Variants in GLG1 observed in about 807,000 individuals in gnomAD.
GLG1 encodes the protein Golgi apparatus protein 1.
GLG1 carries 38 observed loss-of-function variants against 160.5 expected under a neutral mutation model. The ratio of observed to expected loss-of-function variants is 0.24; its 90% CI spans 0.18 to 0.31. GLG1 has a LOEUF of 0.31. Among genes scored for constraint, GLG1 ranks in the 10% least tolerant of loss-of-function variants. The pLI is 1.00. For missense variants in GLG1, 1,373 were observed against 1,505.2 expected (o/e 0.91, Z 1.45); for synonymous variants, 644 against 543.4 (o/e 1.19, Z -2.57).
chr16:74,480,512 G>A lies in GLG1; in HGVS notation c.1674-118C>T, dbSNP rs77860974. The A allele has an allele frequency of 3.8e-3, 2,397 of 635,600 alleles. 16 individuals carry two copies. The highest frequency in any genetic ancestry group is 3.9e-3 in the Non-Finnish European group (1,463 of 373,206). 39.4% of individuals were successfully genotyped at this position (635,600 alleles called of 1,614,324 possible). A position where few individuals can be genotyped will look rare whatever the true frequency, so the allele number is the denominator to read the frequency against. ...CTCATTGATAATCACTTCCAGGGGC[G>A]TGGAGACAGAAGATATGTAAAAGTA... On this transcript the variant is annotated intron_variant, in intron 10 of 25. Coordinates refer to ENST00000422840, the MANE Select transcript of GLG1 (RefSeq NM_001145667.2).
Position 74,462,622 on chromosome 16 carries a change from A to G in GLG1, c.2800T>C (p.Leu934=). The G allele has an allele frequency of 6.2e-7, 1 of 1,614,094 alleles. No homozygotes were observed. The stretch of plus-strand genomic sequence containing the variant: ...CAGGCTTTTCTTAACATGGGGTTTA[A>G]GCGGTAATCTAGAGTAGAAAGCAGT... ...RQITQNTDYR[L]NPMLRKACKA... Residue 934 remains leucine (L), a synonymous_variant, in exon 21 of 26, where the codon TTA becomes CTA. Coordinates refer to ENST00000422840, the MANE Select transcript of GLG1 (RefSeq NM_001145667.2).
chr16:74,599,937 G>A (rs991111043), intron 1 of GLG1, among the ~76,000 whole-genome samples: 1 of 151,810 alleles, frequency 6.6e-6, no homozygotes, highest in African/African-American at 2.4e-5. Context: ...GAGAGGTGGA[G>A]CCAGGAGAAT....
At chr16:74,530,324 G>A (rs531036607) in intron 2 of GLG1, among the ~76,000 whole-genome samples, 9 of 152,286 alleles carry the variant, frequency 5.9e-5, no homozygotes, top group African/African-American at 2.2e-4. Flanking sequence ...ATTTTAGGTT[G>A]ACTGTTTTAT....
chr16:74,557,766 G>C (rs1422846938), intron 1 of GLG1, among the ~76,000 whole-genome samples: 1 of 148,400 alleles, frequency 6.7e-6, no homozygotes, highest in African/African-American at 2.5e-5. Flanking sequence ...TTTTTTTTTT[G>C]GTAGGGTTGG....
intron 24 of GLG1, among the ~76,000 whole-genome samples, 199 bp from the exon 25 acceptor site, chr16:74,456,954 A>C (rs1567453537): frequency 1.3e-5 from 2 of 152,222 alleles, no homozygotes; most frequent in Admixed American, 6.5e-5. Flanking sequence ...TTGGCGTCCG[A>C]AGCCTCTCTT....
rs956091215 is a variant in GLG1, at chr16:74,453,078, G to A, written c.*89C>T. ...CTAACACGGGGTTGGTGTCACTTCT[G>A]AGAAGAGCGAGGTGAGTGGGGATGC... On this transcript the variant is annotated 3_prime_UTR_variant, in exon 26 of 26. Transcript: ENST00000422840. 1 of 1,544,144 alleles carries A rather than the reference G, an allele frequency of 6.5e-7. No individual in the cohort carries two copies. Among genetic ancestry groups the A allele is most frequent in the Non-Finnish European group, 8.7e-7 (1 of 1,145,780 alleles).
chr16:74,511,253 G>C (rs181513933), intron 2 of GLG1, among the ~76,000 whole-genome samples: 68 of 152,232 alleles, frequency 4.5e-4, no homozygotes, highest in Admixed American at 8.5e-4. Flanking sequence ...TATGAGTGCT[G>C]AGGAAGATCT....
intron 1 of GLG1, among the ~76,000 whole-genome samples, chr16:74,533,959 C>T (rs922397455): frequency 1.3e-5 from 2 of 152,140 alleles, no homozygotes; most frequent in African/African-American, 2.4e-5. Context: ...AAATAGAACA[C>T]ATCAAGTAGC....
chr16:74,494,634 T>G, intron 6 of GLG1, 126 bp downstream of exon 6: 1 of 484,346 alleles, frequency 2.1e-6, no homozygotes, highest in Non-Finnish European at 3.9e-6. Flanking sequence ...CTTGAACTCC[T>G]GACCTCGTGA....
At position 74,606,699 on chromosome 16, in the gene GLG1, G is replaced by C. The variant is rs1048747326; in HGVS notation, c.396C>G (p.Ser132Arg). Residue 132 changes from serine to arginine, a missense_variant, in exon 1 of 26, where the codon AGC becomes AGG. Ser to Arg is a moderately radical substitution (Grantham distance 110). Transcript: ENST00000422840. ...VTRVCPKHTW[S>R]NNLAVLECLQ... ...GGCACTCGAGCACCGCCAGGTTGTT[G>C]CTCCAGGTGTGCTTAGGGCACACGC... is the stretch of plus-strand genomic sequence containing the variant. 1.2e-6 allele frequency: 2 copies of C among 1,603,522 alleles called. No homozygotes were observed. Among genetic ancestry groups the C allele is most frequent in the Admixed American group, 3.4e-5 (2 of 58,942 alleles).
intron 1 of GLG1, among the ~76,000 whole-genome samples, chr16:74,580,146 A>C (rs1280890622): frequency 6.6e-6 from 1 of 152,010 alleles, no homozygotes; most frequent in Non-Finnish European, 1.5e-5. Flanking sequence ...CACAGGCCTA[A>C]ATCCTAAAGG....
intron 1 of GLG1, among the ~76,000 whole-genome samples, chr16:74,559,958 A>G (rs990239418): frequency 6.6e-6 from 1 of 152,214 alleles, no homozygotes; most frequent in Non-Finnish European, 1.5e-5. Context: ...ATTTTCCCCT[A>G]TTGTTAATAG....
At chr16:74,595,032 C>CA (rs1958267171) in intron 1 of GLG1, among the ~76,000 whole-genome samples, 1 of 151,308 alleles carries the variant, frequency 6.6e-6, no homozygotes, top group Non-Finnish European at 1.5e-5. Context: ...ACTAAAAATA[C>CA]AAAAAATTAG....
intron 2 of GLG1, among the ~76,000 whole-genome samples, chr16:74,522,679 T>C (rs950110948): frequency 6.6e-6 from 1 of 152,192 alleles, no homozygotes; most frequent in Non-Finnish European, 1.5e-5. Flanking sequence ...CTTAATATTG[T>C]ATGCTTGTTT....
At position 74,483,061 on chromosome 16, in the gene GLG1, A is replaced by G. The variant is rs770428443; in HGVS notation, c.1635T>C (p.Arg545=). ...TEKMVEDCEH[R]LLELQYFISR... is the part of the protein sequence containing the mutation. ...AGATGAAATACTGCAGCTCTAAGAG[A>G]CGGTGTTCACAGTCTTCTACCATCT... Residue 545 remains arginine (R), a synonymous_variant, in exon 10 of 26, where the codon CGT becomes CGC. Coordinates refer to ENST00000422840, the MANE Select transcript of GLG1 (RefSeq NM_001145667.2). The G allele has an allele frequency of 2.5e-6, 4 of 1,609,662 alleles. No homozygotes were observed. The highest frequency in any genetic ancestry group is 3.4e-6 in the Non-Finnish European group (4 of 1,176,128).
At chr16:74,574,736 T>C (rs1792605469) in intron 1 of GLG1, among the ~76,000 whole-genome samples, 1 of 150,590 alleles carries the variant, frequency 6.6e-6, no homozygotes, top group African/African-American at 2.5e-5. Flanking sequence ...CACAAAAAAT[T>C]AGCTGAGCAT....
intron 1 of GLG1, among the ~76,000 whole-genome samples, chr16:74,554,292 G>A (rs137986096): frequency 0.013 from 1,945 of 152,336 alleles, 52 homozygotes; most frequent in African/African-American, 0.044. Flanking sequence ...TCAGAACTTT[G>A]CGGGGCCGAG....
At chr16:74,453,357 G>T in intron 25 of GLG1, 23 bp from the exon 26 acceptor site, 1 of 1,542,294 alleles carries the variant, frequency 6.5e-7, no homozygotes, top group South Asian at 1.1e-5. Context: ...AAGGCAATGT[G>T]ATTCTCTGAG....
chr16:74,480,555 CT>C (rs1459762632), intron 10 of GLG1, among the ~76,000 whole-genome samples, 161 bp from the exon 11 acceptor site: 2 of 150,996 alleles, frequency 1.3e-5, no homozygotes, highest in African/African-American at 2.4e-5. Context: ...GAATTTTGTT[CT>C]TTTGTTTTTT....
Sources: gnomAD v4.1 joint callset for allele counts (sites outside exome capture counted in the v4.1 genomes callset) on GRCh38, gnomAD v4.1.1 for gene constraint, MANE v1.5 for transcripts, NCBI Gene and HGNC (gene_info 2026-07-23, HGNC 2026-07-21) for gene names.